MARF1: variants seen among roughly 807,000 people sequenced by gnomAD.
MARF1 encodes the protein limkain-b1.
A neutral mutation model predicts 168.2 loss-of-function variants in MARF1; 24 were observed. The ratio of observed to expected loss-of-function variants is 0.14; its 90% CI spans 0.10 to 0.20. The LOEUF (loss-of-function observed/expected upper bound fraction) is 0.20, where lower values mean the gene tolerates loss of function less well. Among genes scored for constraint, MARF1 ranks in the 10% least tolerant of loss-of-function variants. The probability of loss-of-function intolerance (pLI) is 1.00; values close to 1 mark genes in which losing one functional copy is unlikely to be tolerated. For synonymous variants in MARF1, 868 were observed against 822.4 expected (o/e 1.06, Z -0.95); for missense variants, 1,744 against 2,143.6 (o/e 0.81, Z 3.68).
chr16:15,632,827 T>G (rs368545852), intron 5 of MARF1, among the ~76,000 whole-genome samples: 10 of 152,118 alleles, frequency 6.6e-5, no homozygotes, highest in East Asian at 1.9e-4. Context: ...AAGCAGACTC[T>G]GGGGGTCAGA....
chr16:15,622,966 G>C lies in MARF1; in HGVS notation c.2428C>G (p.Leu810Val), dbSNP rs758661444. ...TGCCTGGCAAATGCTTCCTGCAGGA[G>C]CTGCTGCAGCTCCTTCCGGGATAAT... is the stretch of plus-strand genomic sequence containing the variant. ...YRLSRKELQQ[L>V]LQEAFARHGK... The change falls in exon 11 of 27, where the codon CTC (leucine) becomes GTC (valine). Residue 810 changes from leucine to valine, a missense_variant. By Grantham distance (32) the Leu-to-Val change is conservative. Coordinates refer to ENST00000396368, the MANE Select transcript of MARF1 (RefSeq NM_014647.4). 5.7e-6 allele frequency: 9 copies of C among 1,585,332 alleles called. No homozygotes were observed. Among genetic ancestry groups the C allele is most frequent in the East Asian group, 4.5e-5 (2 of 44,168 alleles).
chr16:15,641,345 C>T (rs911548688), intron 1 of MARF1, among the ~76,000 whole-genome samples: 16 of 152,112 alleles, frequency 1.1e-4, no homozygotes, highest in African/African-American at 3.6e-4. Flanking sequence ...TAGTAAATTA[C>T]GATTCTTGTC....
rs758605994 is a variant in MARF1, at chr16:15,596,977, C to G, written c.4985-40G>C. 9.7e-6 allele frequency: 15 copies of G among 1,549,124 alleles called. No individual in the cohort carries two copies. The African/African-American group carries it at 2.1e-4, about 21-fold the overall frequency. On this transcript the variant is annotated intron_variant, in intron 26 of 26. Transcript: ENST00000396368. Reference sequence around the variant, plus strand: ...AAGCAAACAGATTCAGATCCAGGAACTGTAAGAAGTGTGGGTTTTCTCTTC... The same window carrying G: ...AAGCAAACAGATTCAGATCCAGGAAGTGTAAGAAGTGTGGGTTTTCTCTTC...
chr16:15,623,058 C>A lies in MARF1; in HGVS notation c.2336G>T (p.Ser779Ile). The A allele has an allele frequency of 6.2e-7, 1 of 1,610,860 alleles. No individual in the cohort carries two copies. Among genetic ancestry groups the A allele is most frequent in the South Asian group, 1.1e-5 (1 of 90,922 alleles). Residue 779 changes from serine (S) to isoleucine (I), a missense_variant, in exon 11 of 27, where the codon AGC (serine) becomes ATC (isoleucine). By Grantham distance (142) the Ser-to-Ile change is moderately radical. Transcript: ENST00000396368. The stretch of plus-strand genomic sequence containing the variant: ...AAATGGGTCTGGGCAGTCGGCTTCG[C>A]TGCTCGAATTTGCAATGTTGAAAGC... ...PLAFNIANSS[S>I]EADCPDPFAN...
chr16:15,636,927 T>C (rs1375668327), intron 2 of MARF1, among the ~76,000 whole-genome samples: 2 of 152,138 alleles, frequency 1.3e-5, no homozygotes, highest in Non-Finnish European at 2.9e-5. Flanking sequence ...AAAGCCATAA[T>C]GACAATTATA....
intron 13 of MARF1, 27 bp downstream of exon 13, chr16:15,620,424 G>A (rs1246624953): frequency 6.7e-7 from 1 of 1,487,058 alleles, no homozygotes; most frequent in East Asian, 2.3e-5. Context: ...GTACTGACTG[G>A]ATAAAGAAAA....
chr16:15,604,402 G>A lies in MARF1; in HGVS notation c.4183-4C>T. ...TGCCAGATTCTATATCGGCAACCTG[G>A]GGAAAACGAGAATTCACACTTTTCA... On this transcript the variant is annotated splice_region_variant and splice_polypyrimidine_tract_variant and intron_variant, in intron 21 of 26. Transcript: ENST00000396368. 6.2e-7 allele frequency: 1 copy of A among 1,604,188 alleles called. No individual in the cohort carries two copies. Among genetic ancestry groups the A allele is most frequent in the Non-Finnish European group, 8.5e-7 (1 of 1,170,932 alleles).
At chr16:15,601,251 C>A in intron 23 of MARF1, 2 of 368,438 alleles carry the variant, frequency 5.4e-6, no homozygotes, top group South Asian at 4.1e-5. Flanking sequence ...TTGCCTGGGT[C>A]CTTCCTACTT....
At chr16:15,621,241 G>GTC (rs913377868) in intron 12 of MARF1, among the ~76,000 whole-genome samples, 1 of 152,188 alleles carries the variant, frequency 6.6e-6, no homozygotes, top group Non-Finnish European at 1.5e-5. Context: ...ACCCAAAGAA[G>GTC]TATCACATTT....
intron 21 of MARF1, among the ~76,000 whole-genome samples, chr16:15,604,946 A>G (rs914022345): frequency 1.7e-4 from 26 of 152,196 alleles, no homozygotes; most frequent in African/African-American, 5.8e-4. Context: ...CAAAGCTGGT[A>G]TTTTCATCTG....
At chr16:15,616,531 A>C (rs1029675793) in intron 15 of MARF1, among the ~76,000 whole-genome samples, 4 of 152,180 alleles carry the variant, frequency 2.6e-5, no homozygotes, top group African/African-American at 7.2e-5. Context: ...ATGTAGCGCA[A>C]ACACACATTT....
intron 10 of MARF1, 142 bp downstream of exon 10, chr16:15,624,627 G>T: frequency 1.3e-6 from 1 of 744,646 alleles, no homozygotes; most frequent in Admixed American, 2.4e-5. Context: ...GATTACCTGA[G>T]GAGAGGGGGA....
chr16:15,626,998 T>C (rs1596486744), intron 7 of MARF1, among the ~76,000 whole-genome samples: 1 of 121,608 alleles, frequency 8.2e-6, no homozygotes, highest in South Asian at 2.7e-4. Context: ...AAGAAGGAAG[T>C]AGAACTGGAG....
chr16:15,641,577 T>C lies in MARF1; in HGVS notation c.-59+1441A>G, dbSNP rs1412120480. 2.6e-5 allele frequency among the ~76,000 whole-genome samples: 4 copies of C among 152,322 alleles called. No individual in the cohort carries two copies. The East Asian group carries it at 5.8e-4, about 22-fold the overall frequency. On this transcript the variant is annotated intron_variant, in intron 1 of 26. Coordinates refer to ENST00000396368, the MANE Select transcript of MARF1 (RefSeq NM_014647.4). ...GCAAATATTTACTTAGTATCTACTA[T>C]GCAGCAGGCCTGTGCTTGGCACAAG...
chr16:15,628,709 C>CT (rs2035043327), intron 7 of MARF1, among the ~76,000 whole-genome samples: 1 of 152,166 alleles, frequency 6.6e-6, no homozygotes, highest in African/African-American at 2.4e-5. Context: ...AGCCACATCA[C>CT]TCGGCCCACA....
In MARF1 at chr16:15,618,694, G is replaced by A. The variant is rs576949261; in HGVS notation, c.2721-1159C>T. 1.5e-3 allele frequency among the ~76,000 whole-genome samples: 229 copies of A among 152,038 alleles called. 4 individuals carry two copies. Among genetic ancestry groups the A allele is most frequent in the Non-Finnish European group, 1.6e-3 (107 of 67,998 alleles). ...CCCTCCCAACCTTATCTGCTCTCTAGTCTGTCCCAATCGTCTTAAAGGCAA... is the reference window on the plus strand; with the variant it reads ...CCCTCCCAACCTTATCTGCTCTCTAATCTGTCCCAATCGTCTTAAAGGCAA... On this transcript the variant is annotated intron_variant, in intron 13 of 26. Coordinates refer to ENST00000396368, the MANE Select transcript of MARF1 (RefSeq NM_014647.4).
intron 22 of MARF1, 106 bp downstream of exon 22, chr16:15,604,062 G>T: frequency 2.3e-6 from 2 of 860,142 alleles, no homozygotes; most frequent in South Asian, 1.7e-5. Context: ...ATGGTCTCTC[G>T]GGTCCCTTCC....
At chr16:15,612,100 A>G (rs1015162628) in intron 17 of MARF1, among the ~76,000 whole-genome samples, 2 of 152,238 alleles carry the variant, frequency 1.3e-5, no homozygotes, top group Non-Finnish European at 2.9e-5. Context: ...GGAAGCTGTT[A>G]TAACACTGTG....
At chr16:15,623,247 C>T in intron 10 of MARF1, 124 bp from the exon 11 acceptor site, 1 of 368,448 alleles carries the variant, frequency 2.7e-6, no homozygotes, top group Non-Finnish European at 4.7e-6. Flanking sequence ...CCAAACCAAA[C>T]ATTTGGTTTT....
Sources: allele counts gnomAD v4.1 joint callset (sites outside exome capture counted in the v4.1 genomes callset), GRCh38; gene constraint gnomAD v4.1.1; transcripts MANE v1.5; gene names NCBI Gene and HGNC (gene_info 2026-07-23, HGNC 2026-07-21).